Variants in ASIC2 observed in about 807,000 individuals in gnomAD.
The protein encoded by ASIC2 is acid sensing ion channel subunit 2.
ASIC2 carries 25 observed loss-of-function variants against 57.3 expected under a neutral mutation model. The observed-to-expected ratio is 0.44, with a 90% CI of 0.32 to 0.61. ASIC2 has a LOEUF of 0.61. Among genes scored for constraint, ASIC2 ranks in the 20% least tolerant of loss-of-function variants. ASIC2 has a pLI of 0.06. For missense variants in ASIC2, 641 were observed against 738.1 expected (o/e 0.87, Z 1.52); for synonymous variants, 319 against 307.5 (o/e 1.04, Z -0.39).
chr17:33,711,491 G>C (rs539037165), intron 1 of ASIC2, among the ~76,000 whole-genome samples: 337 of 152,238 alleles, frequency 2.2e-3, no homozygotes, highest in Admixed American at 6.4e-3. Flanking sequence ...CCCTGGGTCT[G>C]GTCAGTCTGT....
At chr17:33,090,911 A>G (rs1211365445) in intron 2 of ASIC2, among the ~76,000 whole-genome samples, 1 of 152,164 alleles carries the variant, frequency 6.6e-6, no homozygotes, top group Admixed American at 6.5e-5. Flanking sequence ...CCTTTTGGAT[A>G]TGGTTCATGG....
chr17:33,185,581 C>T (rs1906161521), intron 1 of ASIC2, among the ~76,000 whole-genome samples: 1 of 152,084 alleles, frequency 6.6e-6, no homozygotes, highest in Non-Finnish European at 1.5e-5. Flanking sequence ...GCTGAGCTGG[C>T]AGTCTTCCTG....
chr17:33,652,215 G>A (rs533920727), intron 1 of ASIC2, among the ~76,000 whole-genome samples: 3 of 152,324 alleles, frequency 2.0e-5, no homozygotes, highest in Non-Finnish European at 2.9e-5. Context: ...CAGCCTTTCT[G>A]TAAGTGCCCC....
intron 1 of ASIC2, among the ~76,000 whole-genome samples, chr17:33,499,978 A>G (rs568346261): frequency 1.3e-5 from 2 of 152,322 alleles, no homozygotes; most frequent in East Asian, 3.9e-4. Flanking sequence ...AACTTTTTGC[A>G]TAAGCCAGTT....
intron 1 of ASIC2, among the ~76,000 whole-genome samples, chr17:34,008,986 A>G (rs1906623057): frequency 6.6e-6 from 1 of 152,170 alleles, no homozygotes; most frequent in Admixed American, 6.5e-5. Context: ...TAGACTTTTG[A>G]TTCCTAAATG....
intron 3 of ASIC2, among the ~76,000 whole-genome samples, chr17:33,071,009 T>C (rs1171977559): frequency 6.6e-6 from 1 of 152,154 alleles, no homozygotes; most frequent in Non-Finnish European, 1.5e-5. Context: ...AGGTAATGAG[T>C]TATTTTTCTC....
intron 1 of ASIC2, among the ~76,000 whole-genome samples, chr17:33,393,464 T>C (rs1187305954): frequency 1.3e-5 from 2 of 152,104 alleles, no homozygotes; most frequent in Non-Finnish European, 2.9e-5. Flanking sequence ...CAGCCTTCTC[T>C]AACCACCTGA....
chr17:33,597,696 T>TTA (rs1246716929), intron 1 of ASIC2, among the ~76,000 whole-genome samples: 5 of 152,278 alleles, frequency 3.3e-5, no homozygotes, highest in African/African-American at 1.2e-4. Flanking sequence ...GGAAGAGACT[T>TTA]TAGAGTCACG....
At chr17:33,146,305 C>A (rs1410690366) in intron 1 of ASIC2, among the ~76,000 whole-genome samples, 2 of 152,192 alleles carry the variant, frequency 1.3e-5, no homozygotes, top group Non-Finnish European at 2.9e-5. Flanking sequence ...CATCTTCTCT[C>A]ATTCAGTCTT....
intron 1 of ASIC2, among the ~76,000 whole-genome samples, chr17:34,140,138 A>T (rs1332140926): frequency 6.6e-6 from 1 of 152,214 alleles, no homozygotes; most frequent in Non-Finnish European, 1.5e-5. Flanking sequence ...GAGTGCACAC[A>T]AGGAGGGCAC....
intron 1 of ASIC2, among the ~76,000 whole-genome samples, chr17:33,187,913 A>T (rs1906263349): frequency 6.6e-6 from 1 of 151,392 alleles, no homozygotes; most frequent in Admixed American, 6.6e-5. Flanking sequence ...ATGAAAAAAA[A>T]AAAAAGAAAA....
chr17:33,709,734 A>G (rs1908969129), intron 1 of ASIC2, among the ~76,000 whole-genome samples: 1 of 152,230 alleles, frequency 6.6e-6, no homozygotes, highest in African/African-American at 2.4e-5. Flanking sequence ...TAGCTTTTGC[A>G]TTGGGGGAAA....
chr17:33,545,077 T>C (rs1270989927), intron 1 of ASIC2, among the ~76,000 whole-genome samples: 1 of 152,222 alleles, frequency 6.6e-6, no homozygotes, highest in Non-Finnish European at 1.5e-5. Flanking sequence ...AAGTAGCTTC[T>C]GTTCAAATTT....
intron 2 of ASIC2, among the ~76,000 whole-genome samples, chr17:33,106,810 C>A (rs1453391840): frequency 6.6e-6 from 1 of 152,032 alleles, no homozygotes; most frequent in East Asian, 1.9e-4. Flanking sequence ...TTGCTGGGGG[C>A]AGGATCTGTA....
chr17:33,621,476 C>T (rs781687792), intron 1 of ASIC2, among the ~76,000 whole-genome samples: 24 of 152,102 alleles, frequency 1.6e-4, no homozygotes, highest in Non-Finnish European at 2.9e-4. Flanking sequence ...AAGTAGTGCT[C>T]GTTAGATGGC....
rs557662305 is a variant in ASIC2, at chr17:33,509,043, A to G, written c.556-396976T>C. Among the ~76,000 whole-genome samples, 3 of 152,300 alleles carry G rather than the reference A, an allele frequency of 2.0e-5. No individual in the cohort carries two copies. In the South Asian group the frequency reaches 6.2e-4, roughly 32 times the overall value. On this transcript the variant is annotated intron_variant, in intron 1 of 9. Coordinates refer to the ASIC2 transcript ENST00000359872. ...TTCCCAAGCTGGTTTTTGTTAAGTT[A>G]TAATAGTGCCTCCCATAGGAATGCT...
In ASIC2 at chr17:33,676,050, C is replaced by T. The variant is rs115698639; in HGVS notation, c.555+479928G>A. 8.3e-3 allele frequency among the ~76,000 whole-genome samples: 1,263 copies of T among 152,276 alleles called. 20 individuals carry two copies. Among genetic ancestry groups the T allele is most frequent in the African/African-American group, 0.029 (1,202 of 41,542 alleles). Reference sequence around the variant, plus strand: ...AATATTTCAAACTTTCTTATTATTACTGTGTCTGATATGACGATCTATGAT... The same window carrying T: ...AATATTTCAAACTTTCTTATTATTATTGTGTCTGATATGACGATCTATGAT... On this transcript the variant is annotated intron_variant, in intron 1 of 9. Transcript: ENST00000359872.
chr17:33,334,391 GT>G (rs2142229425), intron 1 of ASIC2, among the ~76,000 whole-genome samples: 1 of 152,306 alleles, frequency 6.6e-6, no homozygotes, highest in East Asian at 1.9e-4. Flanking sequence ...TGTCCATTGT[GT>G]GACACTGTTT....
In ASIC2 at chr17:33,586,489, C is replaced by T. The variant is rs116153664; in HGVS notation, c.556-474422G>A. On this transcript the variant is annotated intron_variant, in intron 1 of 9. Coordinates refer to the ASIC2 transcript ENST00000359872. ...CTTCCCTCTGTAGAACCTTGCATTG[C>T]TCTTGGCGTAAAATCCATGGTTCTT... 5.8e-3 allele frequency among the ~76,000 whole-genome samples: 889 copies of T among 152,290 alleles called. 10 individuals are homozygous for T. Among genetic ancestry groups the T allele is most frequent in the African/African-American group, 0.02 (819 of 41,560 alleles).
Sources: allele counts gnomAD v4.1 joint callset (sites outside exome capture counted in the v4.1 genomes callset), GRCh38; gene constraint gnomAD v4.1.1; transcripts MANE v1.5; gene names NCBI Gene and HGNC (gene_info 2026-07-23, HGNC 2026-07-21).